The following LPA variants were observed in gnomAD, a reference collection of about 807,000 sequenced individuals.
LPA encodes the protein lipoprotein(a), also known as apolipoprotein(a).
LPA carries 199 observed loss-of-function variants against 197.9 expected under a neutral mutation model. The ratio of observed to expected loss-of-function variants is 1.01; its 90% CI spans 0.90 to 1.13. LPA has a LOEUF of 1.13. LPA is among the 50% of genes most tolerant of loss of function. LPA has a pLI of 0.00. For missense variants in LPA, 1,853 were observed against 1,785.8 expected (o/e 1.04, Z -0.68); for synonymous variants, 715 against 639.5 (o/e 1.12, Z -1.78).
Position 160,597,190 on chromosome 6 carries a change from C to A in LPA, c.3288-1655G>T, listed in dbSNP as rs140972261. The stretch of plus-strand genomic sequence containing the variant: ...AATAGGTCGACGTTTTTATTGAGAA[C>A]AAAGATACTATGTCTAATTTTCTGC... On this transcript the variant is annotated intron_variant, in intron 20 of 38. Coordinates refer to ENST00000316300, the MANE Select transcript of LPA (RefSeq NM_005577.4). Among the ~76,000 whole-genome samples, 275 of 152,274 alleles carry A rather than the reference C, an allele frequency of 1.8e-3. 1 individual carries two copies. The highest frequency in any genetic ancestry group is 6.2e-3 in the African/African-American group (256 of 41,552).
chr6:160,555,284 A>AGG (rs1778238203), intron 30 of LPA, among the ~76,000 whole-genome samples: 2 of 118,676 alleles, frequency 1.7e-5, no homozygotes, highest in South Asian at 5.4e-4. Flanking sequence ...ATTATATTAT[A>AGG]TTATATGTTA....
At chr6:160,587,650 T>C (rs887331409) in intron 24 of LPA, among the ~76,000 whole-genome samples, 5 of 152,268 alleles carry the variant, frequency 3.3e-5, no homozygotes, top group Non-Finnish European at 1.5e-5. Context: ...TCTGTCATGA[T>C]ATCTTTTTCT....
chr6:160,600,878 C>A, intron 19 of LPA, 39 bp downstream of exon 19: 2 of 1,607,468 alleles, frequency 1.2e-6, no homozygotes, highest in Non-Finnish European at 8.5e-7. Flanking sequence ...CTTTTCATCC[C>A]AGCATCCAAG....
intron 16 of LPA, among the ~76,000 whole-genome samples, chr6:160,608,515 G>A (rs1779409000): frequency 6.6e-6 from 1 of 152,082 alleles, no homozygotes; most frequent in Admixed American, 6.5e-5. Flanking sequence ...CTCATAAGAA[G>A]TTTCTTGTTA....
chr6:160,567,717 GA>G (rs1461624632), intron 28 of LPA, among the ~76,000 whole-genome samples: 1 of 152,020 alleles, frequency 6.6e-6, no homozygotes, highest in Non-Finnish European at 1.5e-5. Flanking sequence ...CTGGTTTTTT[GA>G]AAAGATCAAC....
Position 160,589,649 on chromosome 6 carries a change from C to T in LPA, c.3851G>A (p.Gly1284Asp). The T allele has an allele frequency of 6.2e-7, 1 of 1,613,910 alleles. No individual in the cohort carries two copies. Among genetic ancestry groups the T allele is most frequent in the Non-Finnish European group, 8.5e-7 (1 of 1,179,862 alleles). The change falls in exon 24 of 39, where the codon GGC (glycine) becomes GAC (aspartate). Residue 1284 changes from glycine to aspartate, a missense_variant. Gly to Asp is a moderately conservative substitution (Grantham distance 94). Around this residue, in one of 3 missense-constraint regions of LPA, gnomAD observed 1,737 missense variants for 1,504.4 expected, o/e 1.15. Coordinates refer to ENST00000316300, the MANE Select transcript of LPA (RefSeq NM_005577.4). Reference protein sequence around the residue: ...CYHGDGQSYRGSFSTTVTGRT... With the variant: ...CYHGDGQSYRDSFSTTVTGRT... ...TCCTGTAACAGTGGTGGAGAATGAG[C>T]CTCGATAACTCTGTCCATCACCATG...
At chr6:160,578,838 G>A in intron 26 of LPA, 134 bp from the exon 27 acceptor site, 2 of 1,285,604 alleles carry the variant, frequency 1.6e-6, no homozygotes, top group Non-Finnish European at 2.2e-6. Context: ...CAATAATATT[G>A]CCACAAGCAC....
chr6:160,649,868 A>T (rs1779971809), intron 2 of LPA, among the ~76,000 whole-genome samples: 1 of 152,098 alleles, frequency 6.6e-6, no homozygotes, highest in Admixed American at 6.6e-5. Context: ...GGTGCTCAGG[A>T]CCCAGGGTGT....
At chr6:160,569,665 C>A (rs1778527017) in intron 28 of LPA, among the ~76,000 whole-genome samples, 2 of 152,000 alleles carry the variant, frequency 1.3e-5, no homozygotes, top group South Asian at 4.2e-4. Context: ...TTCTGCACAG[C>A]AAAAGAAACT....
chr6:160,543,924 T>A (rs1000847977), intron 33 of LPA, among the ~76,000 whole-genome samples: 7 of 152,292 alleles, frequency 4.6e-5, no homozygotes, highest in African/African-American at 1.4e-4. Context: ...TTTCCAAGTG[T>A]CTGATGGGAA....
intron 14 of LPA, among the ~76,000 whole-genome samples, chr6:160,615,274 T>C (rs1779572042): frequency 2.0e-5 from 3 of 146,872 alleles, no homozygotes; most frequent in Non-Finnish European, 3.0e-5. Context: ...TTTCACTGTT[T>C]CTTCAGGGGT....
intron 30 of LPA, among the ~76,000 whole-genome samples, chr6:160,552,578 C>T (rs999290237): frequency 3.3e-5 from 5 of 152,134 alleles, no homozygotes; most frequent in African/African-American, 1.2e-4. Context: ...ACATTGAGCA[C>T]GTATATACTT....
chr6:160,584,187 T>TCTC (rs1778852936), intron 26 of LPA, among the ~76,000 whole-genome samples: 1 of 82,164 alleles, frequency 1.2e-5, no homozygotes, highest in African/African-American at 5.1e-5. Flanking sequence ...TTCTTCTTCT[T>TCTC]CTTCTTCTTC....
In LPA at chr6:160,576,617, G is replaced by T. The variant is rs1475135548; in HGVS notation, c.4631+519C>A. On this transcript the variant is annotated intron_variant, in intron 28 of 38. Transcript: ENST00000316300. ...AATTTATGCAAAAATTTAAATATAA[G>T]TTTTATACACAAGTATATAAATATT... 2.1e-5 allele frequency among the ~76,000 whole-genome samples: 3 copies of T among 139,778 alleles called. No individual in the cohort carries two copies. In the East Asian group the frequency reaches 6.2e-4, roughly 29 times the overall value. 91.7% of individuals were successfully genotyped at this position (139,778 alleles called of 152,430 possible).
At chr6:160,574,936 T>A (rs181102111) in intron 28 of LPA, among the ~76,000 whole-genome samples, 4 of 152,270 alleles carry the variant, frequency 2.6e-5, no homozygotes, top group Non-Finnish European at 4.4e-5. Flanking sequence ...ATCCCTCACC[T>A]CTTGGGTTTT....
At chr6:160,577,906 A>G (rs1314805454) in intron 27 of LPA, among the ~76,000 whole-genome samples, 4 of 152,140 alleles carry the variant, frequency 2.6e-5, no homozygotes, top group Non-Finnish European at 5.9e-5. Context: ...TCTTCTGTAG[A>G]CTCACTGCCA....
At position 160,654,073 on chromosome 6, in the gene LPA, A is replaced by C. The variant is rs1333583802; in HGVS notation, c.50-3576T>G. On this transcript the variant is annotated intron_variant, in intron 1 of 38. Transcript: ENST00000316300. ...ATAATATATTATATATATTATATAT[A>C]ATATATATTATATATATTATATATA... 3.1e-3 allele frequency among the ~76,000 whole-genome samples: 130 copies of C among 42,484 alleles called. 39 individuals are homozygous for C. Among genetic ancestry groups the C allele is most frequent in the African/African-American group, 0.012 (120 of 10,196 alleles). 27.9% of individuals were successfully genotyped at this position (42,484 alleles called of 152,430 possible). A position where few individuals can be genotyped will look rare whatever the true frequency, so the allele number is the denominator to read the frequency against.
At chr6:160,547,983 G>C (rs759758713) in intron 31 of LPA, 46 bp from the exon 32 acceptor site, 1 of 1,601,010 alleles carries the variant, frequency 6.2e-7, no homozygotes, top group South Asian at 1.1e-5. Flanking sequence ...AGACAGCCAG[G>C]CAGCCACATA....
At chr6:160,651,301 G>A (rs907485320) in intron 1 of LPA, among the ~76,000 whole-genome samples, 9 of 152,162 alleles carry the variant, frequency 5.9e-5, no homozygotes, top group African/African-American at 2.2e-4. Context: ...TAGATTATGT[G>A]TATGAAGATA....
Sources: allele counts gnomAD v4.1 joint callset (sites outside exome capture counted in the v4.1 genomes callset), GRCh38; gene constraint gnomAD v4.1.1; regional missense constraint gnomAD v4.1.1; transcripts MANE v1.5; gene names NCBI Gene and HGNC (gene_info 2026-07-23, HGNC 2026-07-21).